The following TEF variants were observed in gnomAD, a reference collection of about 807,000 sequenced individuals.
The protein encoded by TEF is thyrotroph embryonic factor.
In TEF, 3 loss-of-function variants were observed where a neutral mutation model predicts 20.8. The observed-to-expected ratio is 0.14, with a 90% CI of 0.07 to 0.37. TEF has a LOEUF of 0.37. TEF is among the 10% of genes least tolerant of loss of function. The pLI is 1.00. For synonymous variants in TEF, 180 were observed against 171.1 expected (o/e 1.05, Z -0.41); for missense variants, 296 against 397.9 (o/e 0.74, Z 2.18).
intron 1 of TEF, among the ~76,000 whole-genome samples, chr22:41,384,815 C>T (rs115085712): frequency 1.1e-3 from 167 of 152,094 alleles, no homozygotes; most frequent in African/African-American, 4.0e-3. Flanking sequence ...TGTAGTGGTA[C>T]AGTCTCGTCT....
chr22:41,384,042 C>G (rs1041388294), intron 1 of TEF, among the ~76,000 whole-genome samples: 1 of 152,192 alleles, frequency 6.6e-6, no homozygotes, highest in African/African-American at 2.4e-5. Context: ...AAGCCATGAC[C>G]AAGTTGTTTG....
At chr22:41,380,642 G>C (rs4822025), upstream of TEF, among the ~76,000 whole-genome samples, 29,646 of 152,178 alleles carry the variant, frequency 0.19, 3,948 homozygotes, top group Admixed American at 0.39. Context: ...GGAGTTAAGC[G>C]GGGAGTCTAA....
Position 41,382,192 on chromosome 22 carries a change from G to A in TEF, c.148G>A (p.Ala50Thr), listed in dbSNP as rs1446150845. Residue 50 changes from alanine (A) to threonine (T), a missense_variant, in exon 1 of 4, where the codon GCG becomes ACG. By Grantham distance (58) the Ala-to-Thr change is moderately conservative. Coordinates refer to ENST00000266304, the MANE Select transcript of TEF (RefSeq NM_003216.4). Reference sequence around the variant, plus strand: ...GCTGATGGAGAACCCCCCGCGCGAGGCGCGCCTCGGTGAGGGCGGGGGGGT... The same window carrying A: ...GCTGATGGAGAACCCCCCGCGCGAGACGCGCCTCGGTGAGGGCGGGGGGGT... ...KKLMENPPRE[A>T]RLDKEKGKEK... 1.7e-5 allele frequency: 21 copies of A among 1,235,848 alleles called. No homozygotes were observed. Among genetic ancestry groups the A allele is most frequent in the Non-Finnish European group, 2.1e-5 (21 of 990,272 alleles). 76.6% of individuals were successfully genotyped at this position (1,235,848 alleles called of 1,614,324 possible).
rs898045626 is a variant in TEF at position 41,397,733 on chromosome 22, C to T, written c.*1773C>T. On this transcript the variant is annotated 3_prime_UTR_variant, in exon 4 of 4. Transcript: ENST00000266304. ...ACACACTTTCACTCTATTGTAACCA[C>T]ACAGGGCAGGCGCATCCAGCATGTC... is the stretch of plus-strand genomic sequence containing the variant. 2 of 152,254 alleles carry T rather than the reference C, an allele frequency of 1.3e-5. No individual in the cohort carries two copies. The highest frequency in any genetic ancestry group is 4.8e-5 in the African/African-American group (2 of 41,468). The allele number at this position is 152,254 out of a possible 1,614,324, so 9.4% of individuals were successfully genotyped here.
At chr22:41,381,162 C>A (rs1358002080), upstream of TEF, among the ~76,000 whole-genome samples, 2 of 152,280 alleles carry the variant, frequency 1.3e-5, no homozygotes, top group Non-Finnish European at 2.9e-5. Flanking sequence ...GCCATCCCTA[C>A]GACTTGGCAG....
upstream of TEF, among the ~76,000 whole-genome samples, chr22:41,379,518 A>C (rs1185862404): frequency 2.6e-5 from 4 of 150,976 alleles, no homozygotes; most frequent in Admixed American, 2.0e-4. Context: ...AAAAACAAAA[A>C]ACAAAAAACA....
upstream of TEF, chr22:41,381,795 A>C: frequency 1.0e-6 from 1 of 989,194 alleles, no homozygotes; most frequent in Non-Finnish European, 1.3e-6. Context: ...CGGCCCGAGG[A>C]TCTGCGCCTG....
chr22:41,373,132 AG>A (rs1256526929), intron 1 of TEF, among the ~76,000 whole-genome samples: 1 of 152,212 alleles, frequency 6.6e-6, no homozygotes, highest in Non-Finnish European at 1.5e-5. Context: ...AGGTATCCCC[AG>A]AACAACCCAA....
At chr22:41,375,663 G>C (rs2036932591) in intron 1 of TEF, among the ~76,000 whole-genome samples, 1 of 150,774 alleles carries the variant, frequency 6.6e-6, no homozygotes, top group African/African-American at 2.4e-5. Context: ...GGCAGACCTT[G>C]CAGTGAGCCG....
At chr22:41,380,415 A>G (rs552413069), upstream of TEF, among the ~76,000 whole-genome samples, 1 of 152,272 alleles carries the variant, frequency 6.6e-6, no homozygotes, top group East Asian at 1.9e-4. Context: ...TCTGCCTCCC[A>G]AAGTGCCGGG....
chr22:41,370,146 T>C, intron 1 of TEF: 8 of 969,362 alleles, frequency 8.3e-6, no homozygotes, highest in Non-Finnish European at 9.8e-6. Context: ...ATAAGAGTCT[T>C]GCTCTATCGC....
At chr22:41,368,802 C>T (rs535607684) in intron 1 of TEF, among the ~76,000 whole-genome samples, 31 of 152,268 alleles carry the variant, frequency 2.0e-4, no homozygotes, top group Admixed American at 1.6e-3. Flanking sequence ...TCACAGAAGG[C>T]GCTCCTGTGG....
intron 1 of TEF, among the ~76,000 whole-genome samples, chr22:41,386,717 G>T (rs9611570): frequency 0.22 from 33,438 of 151,438 alleles, 4,304 homozygotes; most frequent in Admixed American, 0.4. Context: ...TAAGCCAGCC[G>T]AAGCAACAAA....
intron 1 of TEF, among the ~76,000 whole-genome samples, chr22:41,382,511 C>T (rs546451679): frequency 1.2e-3 from 187 of 152,222 alleles, no homozygotes; most frequent in African/African-American, 4.4e-3. Context: ...ATCGGAGTCA[C>T]TCGGGATGCC....
chr22:41,388,037 G>C (rs530717122), intron 2 of TEF, among the ~76,000 whole-genome samples: 3 of 111,324 alleles, frequency 2.7e-5, no homozygotes, highest in African/African-American at 7.0e-5. Context: ...TCGCTCTGTT[G>C]CCCAGGCTGG....
rs2037241073 is a variant in TEF, at chr22:41,397,247, GTGGCTTCTCACAGCTGTGGTCTCCCC to G, written c.*1290_*1315del. 7.5e-6 allele frequency: 3 copies of G among 397,606 alleles called. No individual in the cohort carries two copies. The South Asian group carries it at 4.3e-4, about 56-fold the overall frequency. 24.6% of individuals were successfully genotyped at this position (397,606 alleles called of 1,614,324 possible). On this transcript the variant is annotated 3_prime_UTR_variant, in exon 4 of 4. Transcript: ENST00000266304. ...GGCCACTCGTGAGGCTGGCCATGCT[GTGGCTTCTCACAGCTGTGGTCTCCCC>G]TGCCTCACAACGACTCCTTTCTCTT...
chr22:41,390,156 C>T lies in TEF; in HGVS notation c.475+2488C>T, dbSNP rs145482437. On this transcript the variant is annotated intron_variant, in intron 2 of 3. Coordinates refer to ENST00000266304, the MANE Select transcript of TEF (RefSeq NM_003216.4). ...TCCACCTGCCTCACCTTCCAAAGTTCTGGGATTACAAGTGTGAGCCACTGT... is the reference window on the plus strand; with the variant it reads ...TCCACCTGCCTCACCTTCCAAAGTTTTGGGATTACAAGTGTGAGCCACTGT... Among the ~76,000 whole-genome samples, 20 of 152,198 alleles carry T rather than the reference C, an allele frequency of 1.3e-4. No homozygotes were observed. In the East Asian group the frequency reaches 2.7e-3, roughly 21 times the overall value.
chr22:41,398,707 G>A lies in TEF; in HGVS notation c.*2747G>A, dbSNP rs1486962483. The A allele has an allele frequency of 6.6e-6, 1 of 152,282 alleles. No individual in the cohort carries two copies. Among genetic ancestry groups the A allele is most frequent in the East Asian group, 1.9e-4 (1 of 5,194 alleles). The allele number at this position is 152,282 out of a possible 1,614,324, so 9.4% of individuals were successfully genotyped here. ...CTTCTGAGGTTGGAGGGGGCACTTA[G>A]CAGTGAACCTTAAGTCTGGGTACAT... On this transcript the variant is annotated 3_prime_UTR_variant, in exon 4 of 4. Coordinates refer to ENST00000266304, the MANE Select transcript of TEF (RefSeq NM_003216.4).
upstream of TEF, among the ~76,000 whole-genome samples, chr22:41,377,516 G>A (rs2036958307): frequency 6.6e-6 from 1 of 152,140 alleles, no homozygotes; most frequent in Admixed American, 6.6e-5. Context: ...TTCTCCCAAC[G>A]TTTATTCCTC....
Sources: gnomAD v4.1 joint callset for allele counts (sites outside exome capture counted in the v4.1 genomes callset) on GRCh38, gnomAD v4.1.1 for gene constraint, MANE v1.5 for transcripts, NCBI Gene and HGNC (gene_info 2026-07-23, HGNC 2026-07-21) for gene names.